The following ATAD2 variants were observed in gnomAD, a reference collection of about 807,000 sequenced individuals.
ATAD2 encodes the protein ATPase family AAA domain containing 2, also known as ATPase family AAA domain-containing protein 2.
In ATAD2, 62 loss-of-function variants were observed where a neutral mutation model predicts 168.9. The observed-to-expected ratio is 0.37, with a 90% confidence interval of 0.30 to 0.45. ATAD2 has a LOEUF of 0.45. ATAD2 is among the 20% of genes least tolerant of loss of function. The pLI is 1.00. For synonymous variants in ATAD2, 613 were observed against 571.6 expected (o/e 1.07, Z -1.03); for missense variants, 1,419 against 1,667.8 (o/e 0.85, Z 2.60).
At chr8:123,391,549 A>C (rs1200016134) in intron 1 of ATAD2, among the ~76,000 whole-genome samples, 1 of 150,794 alleles carries the variant, frequency 6.6e-6, no homozygotes, top group Admixed American at 6.6e-5. Context: ...ATTCAAGTTA[A>C]TGAATTAAAT....
intron 1 of ATAD2, 28 bp downstream of exon 1, chr8:123,396,159 T>G (rs1457446708): frequency 1.3e-6 from 2 of 1,535,344 alleles, no homozygotes; most frequent in South Asian, 1.2e-5. Context: ...GGAACCGCCC[T>G]GGGAGCCCGC....
At chr8:123,409,496 A>G (rs1351933265) in intron 1 of ATAD2, among the ~76,000 whole-genome samples, 1 of 152,024 alleles carries the variant, frequency 6.6e-6, no homozygotes, top group Non-Finnish European at 1.5e-5. Context: ...TGTTTTGCCA[A>G]TTTGTTTTTC....
At chr8:123,354,848 AAAAAAAAAAAAAAAAAAT>A (rs1431326286) in intron 13 of ATAD2, among the ~76,000 whole-genome samples, 1 of 116,630 alleles carries the variant, frequency 8.6e-6, no homozygotes, top group Non-Finnish European at 1.7e-5. Context: ...AAAAAAAAAA[AAAAAAAAAAAAAAAAAAT>A]ATATATATAT....
chr8:123,350,266 C>T (rs1475580589), intron 13 of ATAD2, among the ~76,000 whole-genome samples: 2 of 152,130 alleles, frequency 1.3e-5, no homozygotes, highest in African/African-American at 4.8e-5. Context: ...TTAATGTCTT[C>T]ACCTGATCAC....
chr8:123,355,066 T>G (rs530752304), intron 13 of ATAD2, among the ~76,000 whole-genome samples: 4 of 151,510 alleles, frequency 2.6e-5, no homozygotes, highest in African/African-American at 9.7e-5. Flanking sequence ...TGACTGATAA[T>G]GAAATGCGTC....
intron 1 of ATAD2, among the ~76,000 whole-genome samples, chr8:123,404,773 C>G (rs1171398947): frequency 6.6e-6 from 1 of 152,128 alleles, no homozygotes; most frequent in African/African-American, 2.4e-5. Context: ...AACTCCTGAC[C>G]TCATGATCCA....
At chr8:123,382,432 G>C (rs185063476) in intron 1 of ATAD2, among the ~76,000 whole-genome samples, 1 of 152,034 alleles carries the variant, frequency 6.6e-6, no homozygotes, top group Non-Finnish European at 1.5e-5. Flanking sequence ...TTACACCTTG[G>C]GTGGTGTATT....
At chr8:123,347,513 G>A (rs908160074) in intron 15 of ATAD2, 107 bp from the exon 16 acceptor site, 4 of 1,094,428 alleles carry the variant, frequency 3.7e-6, no homozygotes, top group Non-Finnish European at 5.1e-6. Context: ...ATCAGCCTCG[G>A]AATATAGTTA....
intron 1 of ATAD2, among the ~76,000 whole-genome samples, chr8:123,392,033 C>T (rs934842336): frequency 3.0e-4 from 45 of 152,140 alleles, no homozygotes; most frequent in African/African-American, 1.0e-3. Flanking sequence ...ATTGCTCAAC[C>T]ACCATATACC....
intron 13 of ATAD2, among the ~76,000 whole-genome samples, chr8:123,349,874 T>TA (rs397891535): frequency 0.012 from 1,599 of 137,168 alleles, 31 homozygotes; most frequent in African/African-American, 0.036. Context: ...CCATCTCTAT[T>TA]AAAAAAAAAA....
At chr8:123,395,299 T>G (rs1473953280) in intron 1 of ATAD2, among the ~76,000 whole-genome samples, 5 of 152,148 alleles carry the variant, frequency 3.3e-5, no homozygotes, top group Non-Finnish European at 5.9e-5. Context: ...TAGGCCTCTT[T>G]CAGCAGCTGG....
chr8:123,340,803 G>T (rs1418331962), intron 19 of ATAD2, among the ~76,000 whole-genome samples: 1 of 152,120 alleles, frequency 6.6e-6, no homozygotes, highest in African/African-American at 2.4e-5. Context: ...GATAGAAATG[G>T]GGAATTACCG....
chr8:123,409,310 A>G (rs532280805), intron 1 of ATAD2, among the ~76,000 whole-genome samples: 41 of 152,268 alleles, frequency 2.7e-4, no homozygotes, highest in Admixed American at 1.8e-3. Context: ...GTTTCAACCC[A>G]GCCAACTTCC....
At position 123,402,147 on chromosome 8, in the gene ATAD2, C is replaced by A; in HGVS notation, c.-2281-972G>T. 1 of 735,780 alleles carries A rather than the reference C, an allele frequency of 1.4e-6. No individual in the cohort carries two copies. Among genetic ancestry groups the A allele is most frequent in the South Asian group, 1.5e-5 (1 of 67,892 alleles). The allele number at this position is 735,780 out of a possible 1,614,324, so 45.6% of individuals were successfully genotyped here. A position where few individuals can be genotyped will look rare whatever the true frequency, so the allele number is the denominator to read the frequency against. On this transcript the variant is annotated intron_variant, in intron 1 of 28. Transcript: ENST00000521903. This position sits in a 1 kb window ranked among gnomAD's most constrained non-coding sequence, Gnocchi z 4.8. ...CCGAGGTGGTGGAGGGGGCACCCCC[C>A]AGTGTCCACCTTCGGGCATAGCCTC...
Position 123,396,435 on chromosome 8 carries a change from C to G in ATAD2, c.-78G>C, listed in dbSNP as rs1464631146. 2.9e-6 allele frequency: 4 copies of G among 1,389,222 alleles called. No homozygotes were observed. Among genetic ancestry groups the G allele is most frequent in the Non-Finnish European group, 2.8e-6 (3 of 1,063,754 alleles). The allele number at this position is 1,389,222 out of a possible 1,614,324, so 86.1% of individuals were successfully genotyped here. A position where few individuals can be genotyped will look rare whatever the true frequency, so the allele number is the denominator to read the frequency against. On this transcript the variant is annotated 5_prime_UTR_variant, in exon 1 of 28. Transcript: ENST00000287394. ...GGCGCTCGCAGCTCTGGCTCTTCCG[C>G]GCTCCGAATTCTGGCGCCACAAGCT...
At chr8:123,411,637 G>A (rs1463619436) in intron 1 of ATAD2, among the ~76,000 whole-genome samples, 6 of 152,150 alleles carry the variant, frequency 3.9e-5, no homozygotes, top group East Asian at 1.9e-4. Flanking sequence ...AGAGCACAGC[G>A]GGAGGGACAA....
At chr8:123,410,164 A>G (rs1813133168) in intron 1 of ATAD2, among the ~76,000 whole-genome samples, 1 of 152,006 alleles carries the variant, frequency 6.6e-6, no homozygotes, top group Non-Finnish European at 1.5e-5. Flanking sequence ...TTTGAGTAGC[A>G]TTTCGTATTT....
At chr8:123,345,141 A>G in intron 18 of ATAD2, 72 bp from the exon 19 acceptor site, 2 of 1,382,906 alleles carry the variant, frequency 1.4e-6, no homozygotes, top group Middle Eastern at 1.9e-4. Flanking sequence ...TTAGTCTGAA[A>G]CAATGTTTAA....
chr8:123,363,645 G>C (rs1828884089), intron 8 of ATAD2, among the ~76,000 whole-genome samples: 1 of 152,070 alleles, frequency 6.6e-6, no homozygotes, highest in Admixed American at 6.6e-5. Flanking sequence ...TTATTACCAT[G>C]AATATTAGAC....
Sources: allele counts gnomAD v4.1 joint callset (sites outside exome capture counted in the v4.1 genomes callset), GRCh38; gene constraint gnomAD v4.1.1; non-coding constraint Gnocchi (gnomAD v3.1); transcripts MANE v1.5; gene names NCBI Gene and HGNC (gene_info 2026-07-23, HGNC 2026-07-21).